The following ASTN1 variants were observed in gnomAD, a reference collection of about 807,000 sequenced individuals.
The protein encoded by ASTN1 is astrotactin 1.
A neutral mutation model predicts 140.7 loss-of-function variants in ASTN1; 41 were observed. That is an observed-to-expected ratio of 0.29 (90% CI 0.23 to 0.38). The LOEUF is 0.38. ASTN1 is among the 10% of genes least tolerant of loss of function. The probability of loss-of-function intolerance (pLI) is 1.00; values close to 1 mark genes in which losing one functional copy is unlikely to be tolerated. For missense variants in ASTN1, 1,479 were observed against 1,678.8 expected, an observed-to-expected ratio of 0.88 and a Z score of 2.08; for synonymous variants, 640 against 652.2, an observed-to-expected ratio of 0.98 and a Z score of 0.29.
intron 8 of ASTN1, among the ~76,000 whole-genome samples, chr1:176,995,136 T>C (rs998125959): frequency 1.3e-5 from 2 of 152,202 alleles, no homozygotes; most frequent in African/African-American, 4.8e-5. Context: ...ATGCAACCAT[T>C]CGCTGATTCA....
chr1:177,044,863 C>A (rs959755998), intron 2 of ASTN1, among the ~76,000 whole-genome samples: 4 of 152,146 alleles, frequency 2.6e-5, no homozygotes, highest in Non-Finnish European at 5.9e-5. Flanking sequence ...AGAGTTTCTT[C>A]TTTCTACATT....
chr1:176,966,762 ATTTAT>A (rs767296682), intron 8 of ASTN1, among the ~76,000 whole-genome samples: 1 of 151,802 alleles, frequency 6.6e-6, no homozygotes, highest in Non-Finnish European at 1.5e-5. Flanking sequence ...AAAATTTATT[ATTTAT>A]TTTATTGTAA....
chr1:176,868,262 ATCTG>A (rs1447762510), intron 22 of ASTN1, among the ~76,000 whole-genome samples: 4 of 152,164 alleles, frequency 2.6e-5, no homozygotes, highest in African/African-American at 7.2e-5. Context: ...AAGCACTCTA[ATCTG>A]TCTGTGCAAC....
chr1:177,031,751 ATGGAGAT>A (rs1478420779), intron 3 of ASTN1, among the ~76,000 whole-genome samples: 1 of 152,218 alleles, frequency 6.6e-6, no homozygotes, highest in Non-Finnish European at 1.5e-5. Flanking sequence ...GGGTTTATCT[ATGGAGAT>A]TTGCTGATTC....
chr1:177,151,007 G>A (rs574548788), intron 1 of ASTN1, among the ~76,000 whole-genome samples: 24 of 152,126 alleles, frequency 1.6e-4, no homozygotes, highest in Admixed American at 1.0e-3. Context: ...TTAATAATGC[G>A]TTCTTGTGTA....
intron 9 of ASTN1, 96 bp from the exon 10 acceptor site, chr1:176,958,578 C>G (rs1253541187): frequency 2.1e-6 from 3 of 1,401,304 alleles, no homozygotes; most frequent in Non-Finnish European, 2.8e-6. Flanking sequence ...TTCTTCTCAC[C>G]CTTTGTAGTC....
intron 15 of ASTN1, 91 bp from the exon 16 acceptor site, chr1:176,934,431 C>T: frequency 1.5e-6 from 2 of 1,305,368 alleles, no homozygotes; most frequent in Non-Finnish European, 2.1e-6. Flanking sequence ...CATGGAAGTG[C>T]CTGTGTGGCT....
chr1:177,113,326 G>A (rs1465981701), intron 1 of ASTN1, among the ~76,000 whole-genome samples: 1 of 152,176 alleles, frequency 6.6e-6, no homozygotes, highest in African/African-American at 2.4e-5. Context: ...GGCTTCTCAT[G>A]GGAAGCATAT....
At chr1:176,869,134 CAT>C (rs770427533) in intron 21 of ASTN1, 107 bp from the exon 22 acceptor site, 38 of 713,846 alleles carry the variant, frequency 5.3e-5, no homozygotes, top group Non-Finnish European at 6.9e-5. Context: ...CACATATAAA[CAT>C]ATGTAGATCA....
chr1:176,866,384 C>T (rs1293937960), intron 22 of ASTN1, among the ~76,000 whole-genome samples: 1 of 152,110 alleles, frequency 6.6e-6, no homozygotes, highest in African/African-American at 2.4e-5. Flanking sequence ...TCTGTACTTT[C>T]CCTAAGAGCC....
At chr1:176,892,806 T>A (rs952126763) in intron 17 of ASTN1, among the ~76,000 whole-genome samples, 1 of 152,110 alleles carries the variant, frequency 6.6e-6, no homozygotes, top group Non-Finnish European at 1.5e-5. Context: ...TCACTCGTCA[T>A]CTCCATTCTT....
chr1:176,897,183 G>A (rs1317332918), intron 16 of ASTN1, among the ~76,000 whole-genome samples: 8 of 147,004 alleles, frequency 5.4e-5, no homozygotes, highest in Non-Finnish European at 1.2e-4. Context: ...GCTGAGGCAA[G>A]AGAATCGCTT....
intron 1 of ASTN1, among the ~76,000 whole-genome samples, chr1:177,115,832 T>C (rs1571806279): frequency 1.3e-5 from 2 of 152,146 alleles, no homozygotes; most frequent in Admixed American, 1.3e-4. Context: ...ATAATATTCC[T>C]TCAGGTCTTC....
chr1:177,132,089 T>C (rs1223381952), intron 1 of ASTN1, among the ~76,000 whole-genome samples: 1 of 152,182 alleles, frequency 6.6e-6, no homozygotes, highest in South Asian at 2.1e-4. Flanking sequence ...TTCCCTCTGG[T>C]TGGTAAGGTT....
chr1:177,095,324 A>G (rs1224228970), intron 1 of ASTN1, among the ~76,000 whole-genome samples: 2 of 152,226 alleles, frequency 1.3e-5, no homozygotes, highest in African/African-American at 2.4e-5. Flanking sequence ...TAAGGAGATT[A>G]GTATGGATCT....
At chr1:177,078,791 T>A (rs1679043433) in intron 1 of ASTN1, among the ~76,000 whole-genome samples, 1 of 152,184 alleles carries the variant, frequency 6.6e-6, no homozygotes, top group African/African-American at 2.4e-5. Flanking sequence ...TCTTTTTTAT[T>A]ATCAAAGAAA....
At chr1:176,883,572 T>A (rs546516276) in intron 19 of ASTN1, among the ~76,000 whole-genome samples, 1 of 152,304 alleles carries the variant, frequency 6.6e-6, no homozygotes, top group South Asian at 2.1e-4. Flanking sequence ...ACCTCAGCAA[T>A]ACCTGTGCGC....
chr1:177,047,271 C>T (rs1325857383), intron 2 of ASTN1, among the ~76,000 whole-genome samples: 1 of 152,134 alleles, frequency 6.6e-6, no homozygotes, highest in Non-Finnish European at 1.5e-5. Context: ...GGTGGCCTCA[C>T]TCAGAGGAGA....
chr1:177,125,064 G>A (rs941804978), intron 1 of ASTN1, among the ~76,000 whole-genome samples: 2 of 152,196 alleles, frequency 1.3e-5, no homozygotes, highest in Non-Finnish European at 2.9e-5. Flanking sequence ...TATAGTTAGA[G>A]TAATATGATC....
Sources: gnomAD v4.1 joint callset for allele counts (sites outside exome capture counted in the v4.1 genomes callset) on GRCh38, gnomAD v4.1.1 for gene constraint, MANE v1.5 for transcripts, NCBI Gene and HGNC (gene_info 2026-07-23, HGNC 2026-07-21) for gene names.